Variants in MME observed in about 807,000 individuals in gnomAD.
The protein encoded by MME is membrane metalloendopeptidase, also known as neprilysin.
Under a neutral mutation model 113.2 loss-of-function variants are expected in MME, and 98 were observed. That is an observed-to-expected ratio of 0.87 (90% CI 0.74 to 1.02). The LOEUF (loss-of-function observed/expected upper bound fraction) is 1.02, where lower values mean the gene tolerates loss of function less well. Among genes scored for constraint, MME ranks in the 50% least tolerant of loss-of-function variants. The pLI is 0.00. For missense variants in MME, 836 were observed against 896.0 expected, an observed-to-expected ratio of 0.93 and a Z score of 0.86; for synonymous variants, 292 against 300.6, an observed-to-expected ratio of 0.97 and a Z score of 0.30.
Position 155,140,259 on chromosome 3 carries a change from C to T in MME, c.924C>T (p.Ile308=), listed in dbSNP as rs150252105. 1 of 1,612,614 alleles carries T rather than the reference C, an allele frequency of 6.2e-7. No homozygotes were observed. The highest frequency in any genetic ancestry group is 1.7e-5 in the Admixed American group (1 of 59,948). ...ATAACAAGATGACATTGGCCCAGAT[C>T]CAAAATAACTTTTCACTAGAGATCA... ...LLYNKMTLAQ[I]QNNFSLEING... is the part of the protein sequence containing the mutation. Residue 308 remains isoleucine, a synonymous_variant, in exon 10 of 23, where the codon ATC becomes ATT. Coordinates refer to ENST00000360490, the MANE Select transcript of MME (RefSeq NM_007289.4).
At chr3:155,047,900 T>C (rs1297510126) in intron 1 of MME, among the ~76,000 whole-genome samples, 3 of 152,200 alleles carry the variant, frequency 2.0e-5, no homozygotes, top group African/African-American at 7.2e-5. Context: ...TTCGGAGCCT[T>C]TGTTAATCTG....
intron 1 of MME, among the ~76,000 whole-genome samples, chr3:155,031,733 C>T (rs949413563): frequency 2.0e-5 from 3 of 152,184 alleles, no homozygotes; most frequent in Admixed American, 2.0e-4. Flanking sequence ...TCTTGGCTCA[C>T]TGCAACCTCT....
intron 3 of MME, chr3:155,112,632 G>C (rs1049862263): frequency 6.6e-6 from 1 of 152,148 alleles, no homozygotes; most frequent in African/African-American, 2.4e-5. Context: ...AAGAGGCCTG[G>C]GGCCACAACT....
intron 17 of MME, among the ~76,000 whole-genome samples, chr3:155,162,781 G>A (rs1722809179): frequency 6.6e-6 from 1 of 151,964 alleles, no homozygotes; most frequent in Non-Finnish European, 1.5e-5. Context: ...GGGAGGCTAA[G>A]GTGGGTGGAT....
At chr3:155,126,017 C>A (rs948576463) in intron 8 of MME, among the ~76,000 whole-genome samples, 7 of 152,142 alleles carry the variant, frequency 4.6e-5, no homozygotes, top group African/African-American at 1.7e-4. Flanking sequence ...GTTCGAATAA[C>A]ATGGAATGAA....
chr3:155,126,268 T>A (rs1719645550), intron 8 of MME, among the ~76,000 whole-genome samples: 1 of 152,228 alleles, frequency 6.6e-6, no homozygotes, highest in East Asian at 1.9e-4. Context: ...TTTATCACCA[T>A]GAACTGGGAT....
intron 1 of MME, among the ~76,000 whole-genome samples, chr3:155,082,673 A>G (rs936549545): frequency 6.6e-6 from 1 of 152,206 alleles, no homozygotes; most frequent in Non-Finnish European, 1.5e-5. Context: ...TTTATTTGAT[A>G]GTCTGTCCTT....
At chr3:155,063,095 T>C (rs1361918217) in intron 1 of MME, among the ~76,000 whole-genome samples, 1 of 143,374 alleles carries the variant, frequency 7.0e-6, no homozygotes, top group Non-Finnish European at 1.5e-5. Context: ...TTAATGACCT[T>C]ATTAATTATA....
At chr3:155,132,635 C>T (rs1720227947) in intron 8 of MME, among the ~76,000 whole-genome samples, 1 of 152,018 alleles carries the variant, frequency 6.6e-6, no homozygotes, top group Non-Finnish European at 1.5e-5. Context: ...TACCTTATGA[C>T]TGTCAAAAAT....
At chr3:155,038,394 G>T (rs1713196748) in intron 1 of MME, among the ~76,000 whole-genome samples, 1 of 152,088 alleles carries the variant, frequency 6.6e-6, no homozygotes, top group Non-Finnish European at 1.5e-5. Flanking sequence ...CTGCTCACTA[G>T]TGTCTAGGAC....
At chr3:155,087,466 G>A (rs141301659) in intron 3 of MME, among the ~76,000 whole-genome samples, 282 of 152,070 alleles carry the variant, frequency 1.9e-3, no homozygotes, top group African/African-American at 6.6e-3. Flanking sequence ...GGGGATCTCC[G>A]TGGTCATGTG....
intron 1 of MME, among the ~76,000 whole-genome samples, chr3:155,028,990 A>C (rs1712881353): frequency 6.6e-6 from 1 of 152,222 alleles, no homozygotes; most frequent in Admixed American, 6.5e-5. Flanking sequence ...ATTTAGCCAA[A>C]GTGATCATGT....
At chr3:155,102,630 A>C (rs749296774) in intron 3 of MME, among the ~76,000 whole-genome samples, 1 of 152,210 alleles carries the variant, frequency 6.6e-6, no homozygotes, top group Non-Finnish European at 1.5e-5. Context: ...ACCAGCCAGA[A>C]CCATAAAGAC....
intron 8 of MME, among the ~76,000 whole-genome samples, chr3:155,126,285 C>A (rs1487323438): frequency 6.6e-6 from 1 of 151,788 alleles, no homozygotes; most frequent in East Asian, 1.9e-4. Context: ...GGATGCTTTT[C>A]ATATTTAGGA....
At chr3:155,062,003 A>G (rs1432960249) in intron 1 of MME, among the ~76,000 whole-genome samples, 1 of 152,146 alleles carries the variant, frequency 6.6e-6, no homozygotes, top group Non-Finnish European at 1.5e-5. Context: ...CTAGGTACAT[A>G]TCATATTATT....
intron 3 of MME, among the ~76,000 whole-genome samples, chr3:155,103,934 A>G (rs948230377): frequency 1.3e-5 from 2 of 152,222 alleles, no homozygotes; most frequent in African/African-American, 4.8e-5. Flanking sequence ...CCTTACCTCT[A>G]GGTTAGGAGG....
chr3:155,139,207 T>G (rs1446598882), intron 9 of MME, among the ~76,000 whole-genome samples: 1 of 152,156 alleles, frequency 6.6e-6, no homozygotes, highest in Non-Finnish European at 1.5e-5. Flanking sequence ...TCTGGGTTTT[T>G]GCCACTTGCA....
chr3:155,168,874 T>C (rs1400925739), intron 20 of MME, 77 bp downstream of exon 20: 1 of 1,326,278 alleles, frequency 7.5e-7, no homozygotes. Context: ...TAAAACCTTT[T>C]GCAAAAAAAG....
intron 20 of MME, chr3:155,169,006 G>A: frequency 1.9e-6 from 1 of 525,638 alleles, no homozygotes; most frequent in Non-Finnish European, 3.4e-6. Context: ...ACTTAAGTTT[G>A]CAAAGAGCCA....
Sources: allele counts gnomAD v4.1 joint callset (sites outside exome capture counted in the v4.1 genomes callset), GRCh38; gene constraint gnomAD v4.1.1; transcripts MANE v1.5; gene names NCBI Gene and HGNC (gene_info 2026-07-23, HGNC 2026-07-21).